The following FHIT variants were observed in gnomAD, a reference collection of about 807,000 sequenced individuals.
The protein encoded by FHIT is bis(5'-adenosyl)-triphosphatase.
Under a neutral mutation model 17.9 loss-of-function variants are expected in FHIT, and 19 were observed. The observed-to-expected ratio is 1.06, with a 90% CI of 0.74 to 1.56. The LOEUF is 1.56. FHIT is among the 40% of genes most tolerant of loss of function. The pLI, the probability that FHIT is intolerant of heterozygous loss-of-function variation, is 0.00. For synonymous variants in FHIT, 81 were observed against 69.7 expected, an observed-to-expected ratio of 1.16 and a Z score of -0.81; for missense variants, 248 against 189.2, an observed-to-expected ratio of 1.31 and a Z score of -1.82.
At chr3:61,021,320 C>A (rs940818254) in intron 3 of FHIT, among the ~76,000 whole-genome samples, 2 of 152,092 alleles carry the variant, frequency 1.3e-5, no homozygotes, top group Non-Finnish European at 2.9e-5. Context: ...AGAAATCAGG[C>A]CGGGCGCGGT....
At chr3:60,073,989 T>C (rs1468864186) in intron 5 of FHIT, among the ~76,000 whole-genome samples, 1 of 152,166 alleles carries the variant, frequency 6.6e-6, no homozygotes, top group Non-Finnish European at 1.5e-5. Context: ...TCACATTCCT[T>C]TGATATCAGA....
chr3:60,257,109 A>C (rs560206360), intron 5 of FHIT, among the ~76,000 whole-genome samples: 1 of 152,264 alleles, frequency 6.6e-6, no homozygotes, highest in Admixed American at 6.5e-5. Context: ...CTGTTTTATA[A>C]ACATGCCTGT....
At chr3:60,172,212 T>G (rs149301454) in intron 5 of FHIT, among the ~76,000 whole-genome samples, 1 of 152,146 alleles carries the variant, frequency 6.6e-6, no homozygotes, top group African/African-American at 2.4e-5. Context: ...AAAATACGAG[T>G]TGAGAGCCAG....
chr3:59,808,135 T>C (rs1237616628), intron 8 of FHIT, among the ~76,000 whole-genome samples: 5 of 152,200 alleles, frequency 3.3e-5, no homozygotes, highest in Non-Finnish European at 7.3e-5. Flanking sequence ...TTTCTGTCTC[T>C]ATCAATTTGC....
chr3:59,990,027 G>T (rs1575831792), intron 7 of FHIT, among the ~76,000 whole-genome samples: 2 of 152,016 alleles, frequency 1.3e-5, no homozygotes, highest in African/African-American at 2.4e-5. Context: ...AACCTTTAGT[G>T]GGAAGTAATA....
chr3:61,074,731 T>G (rs907513274), intron 2 of FHIT, among the ~76,000 whole-genome samples: 2 of 152,172 alleles, frequency 1.3e-5, no homozygotes, highest in African/African-American at 4.8e-5. Flanking sequence ...AGACAAATAT[T>G]CATTTTGGTG....
At chr3:60,567,551 G>A (rs2037184480) in intron 4 of FHIT, among the ~76,000 whole-genome samples, 1 of 152,070 alleles carries the variant, frequency 6.6e-6, no homozygotes, top group African/African-American at 2.4e-5. Context: ...TATGGGCAAG[G>A]ACTTCATGTC....
At chr3:60,185,761 T>A (rs73831980) in intron 5 of FHIT, among the ~76,000 whole-genome samples, 1,687 of 152,286 alleles carry the variant, frequency 0.011, 31 homozygotes, top group African/African-American at 0.039. Context: ...TCCTTGTTGC[T>A]CTACATCCTC....
chr3:60,842,645 A>ATTTATTTTTTTTTTT (rs1702776610), intron 3 of FHIT, among the ~76,000 whole-genome samples: 1 of 94,600 alleles, frequency 1.1e-5, no homozygotes, highest in Non-Finnish European at 2.2e-5. Context: ...ATATATATAT[A>ATTTATTTTTTTTTTT]TTTTTTTTTT....
chr3:60,449,408 A>G (rs2031566534), intron 5 of FHIT, among the ~76,000 whole-genome samples: 1 of 143,918 alleles, frequency 6.9e-6, no homozygotes, highest in Admixed American at 7.0e-5. Context: ...AGTTATTCAA[A>G]TATGACATCA....
chr3:60,787,251 T>G (rs1700615307), intron 4 of FHIT, among the ~76,000 whole-genome samples: 1 of 152,192 alleles, frequency 6.6e-6, no homozygotes, highest in Admixed American at 6.5e-5. Flanking sequence ...GAGCAAGGGA[T>G]TGGAAAACAA....
intron 4 of FHIT, among the ~76,000 whole-genome samples, chr3:60,623,686 T>C (rs1340542483): frequency 6.6e-6 from 1 of 152,166 alleles, no homozygotes; most frequent in East Asian, 1.9e-4. Flanking sequence ...GTCATATTGG[T>C]AAGATACAAA....
intron 5 of FHIT, among the ~76,000 whole-genome samples, chr3:60,426,004 G>C (rs1702649657): frequency 6.6e-6 from 1 of 152,092 alleles, no homozygotes; most frequent in African/African-American, 2.4e-5. Context: ...ACAATACAAG[G>C]GGTGTCACAA....
intron 5 of FHIT, among the ~76,000 whole-genome samples, chr3:60,369,494 A>G (rs1700238408): frequency 6.6e-6 from 1 of 152,128 alleles, no homozygotes; most frequent in African/African-American, 2.4e-5. Context: ...ATTATGAATG[A>G]TATATCCCAA....
rs1005431043 is a variant in FHIT at position 61,088,471 on chromosome 3, G to A, written c.-163-46372C>T. ...CCTTGTACAGCCAATTTAGCAAATCGAAGCTGAATCCCTTGCTTTCTATGA... is the reference window on the plus strand; with the variant it reads ...CCTTGTACAGCCAATTTAGCAAATCAAAGCTGAATCCCTTGCTTTCTATGA... On this transcript the variant is annotated intron_variant, in intron 2 of 9. Transcript: ENST00000492590. 2.6e-5 allele frequency among the ~76,000 whole-genome samples: 4 copies of A among 152,064 alleles called. No individual in the cohort carries two copies. The South Asian group carries it at 6.2e-4, about 24-fold the overall frequency.
In FHIT at chr3:60,014,283, G is replaced by C. The variant is rs1700257189; in HGVS notation, c.104-131C>G. 8.7e-6 allele frequency: 7 copies of C among 804,720 alleles called. No individual in the cohort carries two copies. In the Admixed American group the frequency reaches 2.0e-4, roughly 23 times the overall value. The allele number at this position is 804,720 out of a possible 1,614,324, so 49.8% of individuals were successfully genotyped here. A position where few individuals can be genotyped will look rare whatever the true frequency, so the allele number is the denominator to read the frequency against. On this transcript the variant is annotated intron_variant, in intron 5 of 9. Coordinates refer to ENST00000492590, the MANE Select transcript of FHIT (RefSeq NM_002012.4). ...TCAAAGACTAAGGAATGAAGAAACA[G>C]ATATTTACCATCCACTGAACTCCAG...
intron 7 of FHIT, among the ~76,000 whole-genome samples, chr3:59,980,412 G>A (rs1358135236): frequency 1.3e-5 from 2 of 152,172 alleles, no homozygotes; most frequent in Admixed American, 1.3e-4. Context: ...GTTTTGCCCA[G>A]TTCCTGAAGG....
intron 5 of FHIT, among the ~76,000 whole-genome samples, chr3:60,096,537 G>C (rs1703956421): frequency 6.6e-6 from 1 of 152,168 alleles, no homozygotes; most frequent in South Asian, 2.1e-4. Context: ...GTTTCTGTTG[G>C]TTCGGAGGTG....
chr3:60,748,644 T>C (rs1273735730), intron 4 of FHIT, among the ~76,000 whole-genome samples: 2 of 152,046 alleles, frequency 1.3e-5, no homozygotes, highest in East Asian at 3.9e-4. Flanking sequence ...AAAGCACATC[T>C]CTACTAAAAA....
Sources: allele counts gnomAD v4.1 joint callset (sites outside exome capture counted in the v4.1 genomes callset), GRCh38; gene constraint gnomAD v4.1.1; transcripts MANE v1.5; gene names NCBI Gene and HGNC (gene_info 2026-07-23, HGNC 2026-07-21).